PLCB1: variants seen among roughly 807,000 people sequenced by gnomAD.
PLCB1 encodes the protein 1-phosphatidylinositol 4,5-bisphosphate phosphodiesterase beta-1.
PLCB1 carries 46 observed loss-of-function variants against 161.8 expected under a neutral mutation model. The ratio of observed to expected loss-of-function variants is 0.28; its 90% CI spans 0.22 to 0.36. PLCB1 has a LOEUF of 0.36. PLCB1 is among the 10% of genes least tolerant of loss of function. The pLI is 1.00. For synonymous variants in PLCB1, 517 were observed against 503.7 expected, an observed-to-expected ratio of 1.03 and a Z score of -0.35; for missense variants, 1,016 against 1,472.5, an observed-to-expected ratio of 0.69 and a Z score of 5.07.
At chr20:8,175,858 T>C (rs971860181) in intron 2 of PLCB1, among the ~76,000 whole-genome samples, 7 of 150,956 alleles carry the variant, frequency 4.6e-5, no homozygotes, top group Non-Finnish European at 1.0e-4. Context: ...ATTTAGAAAA[T>C]GGGTAAAAGG....
In PLCB1 at chr20:8,557,020, TA is replaced by T. The variant is rs139489262; in HGVS notation, c.247-71266del. Among the ~76,000 whole-genome samples, 308 of 145,318 alleles carry T rather than the reference TA, an allele frequency of 2.1e-3. 6 individuals are homozygous for T. Among genetic ancestry groups the T allele is most frequent in the Middle Eastern group, 3.6e-3 (1 of 280 alleles). ...TAAATAAATAAATAAATAAAATAAA[TA>T]AAAAAAATAATAAAAATGGAAATAA... On this transcript the variant is annotated intron_variant, in intron 3 of 31. Transcript: ENST00000338037.
intron 3 of PLCB1, among the ~76,000 whole-genome samples, chr20:8,380,659 C>T (rs1474369364): frequency 2.6e-5 from 4 of 152,126 alleles, no homozygotes; most frequent in Non-Finnish European, 5.9e-5. Context: ...AGATCCTTCA[C>T]ATCCCTCGTT....
chr20:8,488,279 G>A (rs1383224721), intron 3 of PLCB1, among the ~76,000 whole-genome samples: 3 of 151,746 alleles, frequency 2.0e-5, no homozygotes, highest in African/African-American at 7.3e-5. Context: ...GTCAAAAAAG[G>A]TAAGGTAGAT....
intron 23 of PLCB1, among the ~76,000 whole-genome samples, chr20:8,748,203 C>T: frequency 6.6e-6 from 1 of 152,176 alleles, no homozygotes; most frequent in Non-Finnish European, 1.5e-5. Context: ...CTATCTCTTT[C>T]ATTTCTATAC....
intron 2 of PLCB1, among the ~76,000 whole-genome samples, chr20:8,278,769 A>G (rs1440462877): frequency 1.3e-5 from 2 of 152,112 alleles, no homozygotes; most frequent in African/African-American, 2.4e-5. Flanking sequence ...TGTTATGAAT[A>G]TATTTTCTAT....
chr20:8,423,604 C>T (rs1423936561), intron 3 of PLCB1, among the ~76,000 whole-genome samples: 1 of 152,138 alleles, frequency 6.6e-6, no homozygotes, highest in Non-Finnish European at 1.5e-5. Context: ...CTCAGAGAGA[C>T]AAAAACTTCT....
intron 1 of PLCB1, among the ~76,000 whole-genome samples, chr20:8,147,971 C>A (rs1030933153): frequency 2.7e-5 from 4 of 147,572 alleles, no homozygotes; most frequent in African/African-American, 7.5e-5. Flanking sequence ...CTCCCGGGTT[C>A]ATGCCATTCT....
chr20:8,193,570 G>C (rs1432884352), intron 2 of PLCB1, among the ~76,000 whole-genome samples: 1 of 152,028 alleles, frequency 6.6e-6, no homozygotes. Flanking sequence ...GTGTTTTGTA[G>C]TGGGTGGAAA....
In PLCB1 at chr20:8,559,677, T is replaced by G. The variant is rs74396901; in HGVS notation, c.247-68617T>G. 4.0e-3 allele frequency among the ~76,000 whole-genome samples: 608 copies of G among 152,032 alleles called. 3 individuals are homozygous for G. Among genetic ancestry groups the G allele is most frequent in the African/African-American group, 0.014 (574 of 41,532 alleles). ...ACTAGAATAGCTATACTAATATCAG[T>G]CAAAATAGACCTTAGGTCACACATG... On this transcript the variant is annotated intron_variant, in intron 3 of 31. Coordinates refer to ENST00000338037, the MANE Select transcript of PLCB1 (RefSeq NM_015192.4).
At chr20:8,844,929 T>C (rs1352434674) in intron 31 of PLCB1, among the ~76,000 whole-genome samples, 1 of 151,274 alleles carries the variant, frequency 6.6e-6, no homozygotes, top group Non-Finnish European at 1.5e-5. Flanking sequence ...GCTAACATGG[T>C]GAAACCCCAT....
intron 2 of PLCB1, among the ~76,000 whole-genome samples, chr20:8,154,416 T>C (rs2051539525): frequency 1.3e-5 from 2 of 152,164 alleles, no homozygotes; most frequent in African/African-American, 2.4e-5. Flanking sequence ...TCCTATAATA[T>C]GGAGTAATAG....
chr20:8,865,112 C>G (rs937541914), intron 31 of PLCB1, among the ~76,000 whole-genome samples: 5 of 152,146 alleles, frequency 3.3e-5, no homozygotes, highest in Non-Finnish European at 7.3e-5. Context: ...CTGTATATAC[C>G]TTAATCCAGT....
At chr20:8,376,666 C>T (rs143925267) in intron 3 of PLCB1, among the ~76,000 whole-genome samples, 2,731 of 152,244 alleles carry the variant, frequency 0.018, 99 homozygotes, top group African/African-American at 0.062. Context: ...CAGTGGCTCA[C>T]GCCTGTAATC....
chr20:8,254,697 G>A (rs749778969), intron 2 of PLCB1, among the ~76,000 whole-genome samples: 9 of 151,890 alleles, frequency 5.9e-5, no homozygotes, highest in African/African-American at 1.5e-4. Context: ...ATTTTATACC[G>A]CTACGAGGCA....
At chr20:8,328,379 G>A (rs1985236786) in intron 2 of PLCB1, among the ~76,000 whole-genome samples, 1 of 152,024 alleles carries the variant, frequency 6.6e-6, no homozygotes. Context: ...GGAGGCAGAT[G>A]CTGGAGTTGC....
At chr20:8,536,145 A>G (rs1412317436) in intron 3 of PLCB1, among the ~76,000 whole-genome samples, 1 of 152,164 alleles carries the variant, frequency 6.6e-6, no homozygotes, top group African/African-American at 2.4e-5. Flanking sequence ...GAAGTCATGT[A>G]AGGATGAGGG....
At chr20:8,431,787 A>G (rs773110084) in intron 3 of PLCB1, among the ~76,000 whole-genome samples, 39 of 152,188 alleles carry the variant, frequency 2.6e-4, no homozygotes, top group Non-Finnish European at 5.1e-4. Flanking sequence ...TCTTATAAAG[A>G]TCAAAATATT....
At chr20:8,386,344 G>C (rs1285752583) in intron 3 of PLCB1, among the ~76,000 whole-genome samples, 3 of 152,158 alleles carry the variant, frequency 2.0e-5, no homozygotes, top group Non-Finnish European at 4.4e-5. Flanking sequence ...GCGTTAGCTG[G>C]TATAAAACAA....
intron 3 of PLCB1, among the ~76,000 whole-genome samples, chr20:8,501,365 C>T (rs6108143): frequency 1.3e-5 from 2 of 152,252 alleles, no homozygotes; most frequent in African/African-American, 2.4e-5. Context: ...AGCACAGTGC[C>T]TGATGCACCA....
Sources: allele counts gnomAD v4.1 joint callset (sites outside exome capture counted in the v4.1 genomes callset), GRCh38; gene constraint gnomAD v4.1.1; transcripts MANE v1.5; gene names NCBI Gene and HGNC (gene_info 2026-07-23, HGNC 2026-07-21).